MAD2L2: variants seen among roughly 807,000 people sequenced by gnomAD.
MAD2L2 encodes mitotic arrest deficient 2 like 2.
MAD2L2 carries 17 observed loss-of-function variants against 30.5 expected under a neutral mutation model. The observed-to-expected ratio is 0.56, with a 90% confidence interval of 0.38 to 0.84. The LOEUF is 0.84. MAD2L2 is among the 40% of genes least tolerant of loss of function. The probability of loss-of-function intolerance (pLI) is 0.00; values close to 1 mark genes in which losing one functional copy is unlikely to be tolerated. For missense variants in MAD2L2, 213 were observed against 277.4 expected, an observed-to-expected ratio of 0.77 and a Z score of 1.65; for synonymous variants, 101 against 113.9, an observed-to-expected ratio of 0.89 and a Z score of 0.72.
rs1279999600 is a variant in MAD2L2 at position 11,675,728 on chromosome 1, C to T, written c.431G>A (p.Cys144Tyr). The T allele has an allele frequency of 6.2e-7, 1 of 1,613,750 alleles. No individual in the cohort carries two copies. Among genetic ancestry groups the T allele is most frequent in the Non-Finnish European group, 8.5e-7 (1 of 1,179,780 alleles). ...CGTGTGCACCAGGACTGTGAAGGTA[C>T]AGCCTGGAGAGGCAAGAGGTTGGTG... Reference protein sequence around the residue: ...DAVLDHNPPGCTFTVLVHTRE... With the variant: ...DAVLDHNPPGYTFTVLVHTRE... The change falls in exon 7 of 9, where the codon TGT (cysteine) becomes TAT (tyrosine). Residue 144 changes from cysteine to tyrosine, a missense_variant. Cys to Tyr is a radical substitution (Grantham distance 194). Transcript: ENST00000376692.
chr1:11,691,123 G>C (rs972049031), intron 1 of MAD2L2, among the ~76,000 whole-genome samples: 1 of 152,124 alleles, frequency 6.6e-6, no homozygotes, highest in African/African-American at 2.4e-5. Flanking sequence ...CACTTTCTGC[G>C]GCTACAAAGG....
upstream of MAD2L2, chr1:11,681,600 A>T (rs184212178): frequency 2.9e-4 from 44 of 152,314 alleles, no homozygotes; most frequent in African/African-American, 1.1e-3. Flanking sequence ...GGCCCGGGTG[A>T]AATTTTAAAA....
chr1:11,676,808 C>T (rs746945673), intron 5 of MAD2L2, 40 bp downstream of exon 5: 4 of 1,531,890 alleles, frequency 2.6e-6, no homozygotes, highest in Non-Finnish European at 3.6e-6. Context: ...CAGAGACACA[C>T]CTGATGCCAG....
chr1:11,691,647 C>G (rs1641070110), exon 1 of MAD2L2: 1 of 149,280 alleles, frequency 6.7e-6, no homozygotes, highest in South Asian at 2.1e-4. Context: ...CGCCGCCCCT[C>G]CTCTGTCCCC....
At chr1:11,680,937 G>C (rs571775168) in intron 1 of MAD2L2, 102 bp downstream of exon 1, 3 of 336,170 alleles carry the variant, frequency 8.9e-6, no homozygotes, top group Non-Finnish European at 1.4e-5. Flanking sequence ...AGCGCAAAGC[G>C]GGACATGCGG....
rs2100704993 is a variant in MAD2L2, at chr1:11,674,978, C to T, written c.594+104G>A. 2 of 1,258,532 alleles carry T rather than the reference C, an allele frequency of 1.6e-6. No individual in the cohort carries two copies. The highest frequency in any genetic ancestry group is 1.5e-5 in the African/African-American group (1 of 67,164). The allele number at this position is 1,258,532 out of a possible 1,614,324, so 78.0% of individuals were successfully genotyped here. A position where few individuals can be genotyped will look rare whatever the true frequency, so the allele number is the denominator to read the frequency against. ...GATGGGAGGAGCCCTCCACCAGGCA[C>T]TCCCCCGTTCTCTCCCGCAAGCCCT... On this transcript the variant is annotated intron_variant, in intron 8 of 8. Transcript: ENST00000376692. This position sits in a 1 kb window ranked among gnomAD's most constrained non-coding sequence, Gnocchi z 6.1.
chr1:11,680,178 T>G (rs1640845575), intron 3 of MAD2L2, among the ~76,000 whole-genome samples, 175 bp downstream of exon 3: 1 of 151,650 alleles, frequency 6.6e-6, no homozygotes, highest in Non-Finnish European at 1.5e-5. Context: ...GTATTTTTAG[T>G]AGAGACGGGG....
At chr1:11,684,288 T>G (rs1640924854), upstream of MAD2L2, among the ~76,000 whole-genome samples, 1 of 152,218 alleles carries the variant, frequency 6.6e-6, no homozygotes, top group Non-Finnish European at 1.5e-5. Flanking sequence ...ATCAGCATGA[T>G]GGATGGTTGT....
chr1:11,680,942 A>G (rs977603908), intron 1 of MAD2L2, 97 bp downstream of exon 1: 4 of 307,564 alleles, frequency 1.3e-5, no homozygotes, highest in Non-Finnish European at 2.1e-5. Flanking sequence ...AAAGCGGGAC[A>G]TGCGGAAAGC....
At chr1:11,677,682 G>A (rs1570286587) in intron 3 of MAD2L2, 68 bp from the exon 4 acceptor site, 2 of 1,354,126 alleles carry the variant, frequency 1.5e-6, no homozygotes, top group East Asian at 2.3e-5. Context: ...ACACAACCAG[G>A]AGCCTAAGGC....
At chr1:11,676,360 G>A (rs1041056188) in intron 5 of MAD2L2, among the ~76,000 whole-genome samples, 27 of 152,266 alleles carry the variant, frequency 1.8e-4, no homozygotes, top group African/African-American at 4.8e-4. Context: ...ATTCGGCGGG[G>A]GGTAGGGGAC....
rs1232217910 is a variant in MAD2L2 at position 11,688,587 on chromosome 1, C to A, written c.-692+2826G>T. ...AAAAAAAAAAAGAAAAAGCAATCAG[C>A]AAACCTGCTAAAAACCTAAGTCGGA... On this transcript the variant is annotated intron_variant, in intron 1 of 10. Transcript: ENST00000235310. This position sits in a 1 kb window ranked among gnomAD's most constrained non-coding sequence, Gnocchi z 4.6. Among the ~76,000 whole-genome samples the A allele has an allele frequency of 1.3e-5, 2 of 151,822 alleles. No homozygotes were observed. The highest frequency in any genetic ancestry group is 2.9e-5 in the Non-Finnish European group (2 of 67,994).
intron 3 of MAD2L2, among the ~76,000 whole-genome samples, chr1:11,677,832 G>C (rs1005219218): frequency 5.9e-5 from 9 of 152,088 alleles, no homozygotes; most frequent in Admixed American, 2.0e-4. Flanking sequence ...GGCCGAGGCA[G>C]GTGGATCACA....
In MAD2L2 at chr1:11,690,732, C is replaced by T. The variant is rs1483192869; in HGVS notation, c.-692+681G>A. On this transcript the variant is annotated intron_variant, in intron 1 of 10. Coordinates refer to the MAD2L2 transcript ENST00000235310. The surrounding 1 kb of genome is among the most constrained non-coding windows in gnomAD (Gnocchi z 4.2). ...TTTGATCTTTGCAGCGTCCGTGGCCCCACCGACCCCGTCGTGAGTTATGGG... is the reference window on the plus strand; with the variant it reads ...TTTGATCTTTGCAGCGTCCGTGGCCTCACCGACCCCGTCGTGAGTTATGGG... Among the ~76,000 whole-genome samples the T allele has an allele frequency of 6.6e-6, 1 of 152,170 alleles. No individual in the cohort carries two copies. Among genetic ancestry groups the T allele is most frequent in the East Asian group, 1.9e-4 (1 of 5,182 alleles).
chr1:11,688,363 C>T lies in MAD2L2; in HGVS notation c.-692+3050G>A, dbSNP rs905569740. Among the ~76,000 whole-genome samples the T allele has an allele frequency of 6.6e-6, 1 of 152,154 alleles. No individual in the cohort carries two copies. Among genetic ancestry groups the T allele is most frequent in the South Asian group, 2.1e-4 (1 of 4,830 alleles). On this transcript the variant is annotated intron_variant, in intron 1 of 10. Coordinates refer to the MAD2L2 transcript ENST00000235310. This position sits in a 1 kb window ranked among gnomAD's most constrained non-coding sequence, Gnocchi z 4.6. ...TCACCTGAGGTCAGGATATCGAGAC[C>T]ATCCTGGCTAACATGGGGAAACTCT...
At chr1:11,678,341 G>T (rs968077286) in intron 3 of MAD2L2, among the ~76,000 whole-genome samples, 5 of 152,092 alleles carry the variant, frequency 3.3e-5, no homozygotes, top group Non-Finnish European at 5.9e-5. Flanking sequence ...AACCTGGGAG[G>T]CGGAGGTTGC....
At chr1:11,686,263 T>A (rs1200343729) in intron 1 of MAD2L2, among the ~76,000 whole-genome samples, 1 of 152,200 alleles carries the variant, frequency 6.6e-6, no homozygotes, top group Non-Finnish European at 1.5e-5. Context: ...ATCTGCCTTC[T>A]GGTGTGAGGC....
At chr1:11,686,695 G>C (rs775824520) in intron 1 of MAD2L2, among the ~76,000 whole-genome samples, 1 of 151,396 alleles carries the variant, frequency 6.6e-6, no homozygotes, top group African/African-American at 2.4e-5. Context: ...GAGCCACTGC[G>C]CCCGGCCCAG....
At chr1:11,691,087 G>T (rs1236332037) in intron 1 of MAD2L2, among the ~76,000 whole-genome samples, 4 of 152,160 alleles carry the variant, frequency 2.6e-5, no homozygotes, top group African/African-American at 4.8e-5. Context: ...GCGACCTCTC[G>T]GAGAACCCCG....
Sources: allele counts gnomAD v4.1 joint callset (sites outside exome capture counted in the v4.1 genomes callset), GRCh38; gene constraint gnomAD v4.1.1; non-coding constraint Gnocchi (gnomAD v3.1); transcripts MANE v1.5; gene names NCBI Gene and HGNC (gene_info 2026-07-23, HGNC 2026-07-21).